AEBP1: variants seen among roughly 807,000 people sequenced by gnomAD.
AEBP1 encodes the protein adipocyte enhancer-binding protein 1.
A neutral mutation model predicts 116.5 loss-of-function variants in AEBP1; 69 were observed. The ratio of observed to expected loss-of-function variants is 0.59; its 90% CI spans 0.49 to 0.72. The LOEUF is 0.72. Among genes scored for constraint, AEBP1 ranks in the 30% least tolerant of loss-of-function variants. The pLI, the probability that AEBP1 is intolerant of heterozygous loss-of-function variation, is 0.00. For synonymous variants in AEBP1, 627 were observed against 627.3 expected (o/e 1.00, Z 0.01); for missense variants, 1,444 against 1,557.5 (o/e 0.93, Z 1.23).
Position 44,111,485 on chromosome 7 carries a change from A to T in AEBP1, c.1717-22A>T. On this transcript the variant is annotated intron_variant, in intron 14 of 20. Coordinates refer to ENST00000223357, the MANE Select transcript of AEBP1 (RefSeq NM_001129.5). The surrounding 1 kb of genome is among the most constrained non-coding windows in gnomAD (Gnocchi z 4.7). ...GGGGACGGATTGCATGATTGATTCC[A>T]CGTCCTCCCCCTCTGCCCCAGCTCA... is the stretch of plus-strand genomic sequence containing the variant. 3.8e-6 allele frequency: 6 copies of T among 1,559,694 alleles called. No homozygotes were observed. The highest frequency in any genetic ancestry group is 4.3e-6 in the Non-Finnish European group (5 of 1,153,092).
chr7:44,111,880 GGGATCCATGGCAACGA>G lies in AEBP1; in HGVS notation c.1870_1885del (p.Ile624CysfsTer40), dbSNP rs770595212. On this transcript the variant is annotated frameshift_variant, in exon 16 of 21. Coordinates refer to ENST00000223357, the MANE Select transcript of AEBP1 (RefSeq NM_001129.5). LOFTEE classifies it high-confidence loss of function. The surrounding 1 kb of genome is among the most constrained non-coding windows in gnomAD (Gnocchi z 4.7). ...GGAGCCCGAGTTCCGCTACACTGCT[GGGATCCATGGCAACGA>G]GGTGCTGGGCCGAGAGCTGTTGCTG... is the stretch of plus-strand genomic sequence containing the variant. The G allele has an allele frequency of 1.2e-6, 2 of 1,613,552 alleles. No individual in the cohort carries two copies. Among genetic ancestry groups the G allele is most frequent in the South Asian group, 2.2e-5 (2 of 91,058 alleles).
rs773051868 is a variant in AEBP1, at chr7:44,113,326, T to C, written c.2784T>C (p.Ser928=). Residue 928 remains serine (S), a synonymous_variant, in exon 20 of 21, where the codon AGT becomes AGC. Coordinates refer to ENST00000223357, the MANE Select transcript of AEBP1 (RefSeq NM_001129.5). The surrounding 1 kb of genome is among the most constrained non-coding windows in gnomAD (Gnocchi z 5.3). The part of the protein sequence containing the change: ...IPIANATISV[S]GINHGVKTAS... Reference sequence around the variant, plus strand: ...TTGCCAACGCCACCATCTCTGTGAGTGGCATTAATCACGGCGTGAAGACAG... The same window carrying C: ...TTGCCAACGCCACCATCTCTGTGAGCGGCATTAATCACGGCGTGAAGACAG... 6.2e-7 allele frequency: 1 copy of C among 1,612,976 alleles called. No homozygotes were observed. Among genetic ancestry groups the C allele is most frequent in the Admixed American group, 1.7e-5 (1 of 59,872 alleles).
rs769957543 is a variant in AEBP1 at position 44,108,937 on chromosome 7, G to A, written c.979G>A (p.Asp327Asn). The A allele has an allele frequency of 1.9e-6, 3 of 1,600,038 alleles. No homozygotes were observed. Among genetic ancestry groups the A allele is most frequent in the Middle Eastern group, 1.7e-4 (1 of 6,056 alleles). ...TGGGCCTCCTCCGCCCCAGAAGCCC[G>A]ATGCTGAGCGCCAGACAGACGAAGA... Reference protein sequence around the residue: ...YFGPPPPQKPDAERQTDEEKE... With the variant: ...YFGPPPPQKPNAERQTDEEKE... Residue 327 changes from aspartate (D) to asparagine (N), a missense_variant, in exon 7 of 21, where the codon GAT becomes AAT. Physicochemically the swap from Asp to Asn is conservative, Grantham distance 23. Coordinates refer to ENST00000223357, the MANE Select transcript of AEBP1 (RefSeq NM_001129.5). This position sits in a 1 kb window ranked among gnomAD's most constrained non-coding sequence, Gnocchi z 5.0.
rs768083027 is a variant in AEBP1 at position 44,113,227 on chromosome 7, C to T, written c.2710-25C>T. 3 of 1,613,098 alleles carry T rather than the reference C, an allele frequency of 1.9e-6. No individual in the cohort carries two copies. The highest frequency in any genetic ancestry group is 2.5e-6 in the Non-Finnish European group (3 of 1,179,402). On this transcript the variant is annotated intron_variant, in intron 19 of 20. Coordinates refer to ENST00000223357, the MANE Select transcript of AEBP1 (RefSeq NM_001129.5). The surrounding 1 kb of genome is among the most constrained non-coding windows in gnomAD (Gnocchi z 5.3). ...GACCACATTGGACCTTCCTGAGGAC[C>T]AGCAGCCCTCACCTGCTTCCCTAGG...
Position 44,112,299 on chromosome 7 carries a change from G to C in AEBP1, c.2195G>C (p.Arg732Pro), listed in dbSNP as rs1037829524. ...AACAATAACTTGCCCATCCCTGAAC[G>C]CTACCTTTCGCCAGATGCCACGGTG... Reference protein sequence around the residue: ...VPNNNLPIPERYLSPDATVST... With the variant: ...VPNNNLPIPEPYLSPDATVST... Residue 732 changes from arginine to proline, a missense_variant, in exon 17 of 21, where the codon CGC becomes CCC. Transcript: ENST00000223357. This position sits in a 1 kb window ranked among gnomAD's most constrained non-coding sequence, Gnocchi z 6.6. 1.3e-6 allele frequency: 2 copies of C among 1,561,236 alleles called. No homozygotes were observed. Among genetic ancestry groups the C allele is most frequent in the East Asian group, 2.3e-5 (1 of 44,174 alleles).
chr7:44,111,539 C>T lies in AEBP1; in HGVS notation c.1749C>T (p.Thr583=). Residue 583 remains threonine (T), a synonymous_variant, in exon 15 of 21, where the codon ACC becomes ACT. Transcript: ENST00000223357. The surrounding 1 kb of genome is among the most constrained non-coding windows in gnomAD (Gnocchi z 4.7). ...LMKVVNEECP[T]ITRTYSLGKS... ...AGGTGGTGAACGAGGAGTGCCCCAC[C>T]ATCACCCGCACTTACAGCCTGGGCA... 2 of 1,605,104 alleles carry T rather than the reference C, an allele frequency of 1.2e-6. No individual in the cohort carries two copies. The highest frequency in any genetic ancestry group is 8.5e-7 in the Non-Finnish European group (1 of 1,176,804).
rs1321699531 is a variant in AEBP1 at position 44,112,554 on chromosome 7, C to G, written c.2218-4C>G. On this transcript the variant is annotated splice_polypyrimidine_tract_variant and splice_region_variant and intron_variant, in intron 17 of 20. Transcript: ENST00000223357. This position sits in a 1 kb window ranked among gnomAD's most constrained non-coding sequence, Gnocchi z 6.6. Reference sequence around the variant, plus strand: ...CCTGGCCTCACACGTGCTGGCCACTCCAGGTATCCACGGAGGTCCGGGCCA... The same window carrying G: ...CCTGGCCTCACACGTGCTGGCCACTGCAGGTATCCACGGAGGTCCGGGCCA... 5.7e-6 allele frequency: 9 copies of G among 1,575,582 alleles called. No homozygotes were observed. The highest frequency in any genetic ancestry group is 7.8e-6 in the Non-Finnish European group (9 of 1,156,684).
intron 11 of AEBP1, 55 bp downstream of exon 11, chr7:44,110,401 G>C (rs1583552903): frequency 6.2e-7 from 1 of 1,610,494 alleles, no homozygotes; most frequent in East Asian, 2.2e-5. Flanking sequence ...CATAGGCATG[G>C]CTCTGTGTCC....
In AEBP1 at chr7:44,107,454, A is replaced by G; in HGVS notation, c.611A>G (p.Asn204Ser). The change falls in exon 3 of 21, where the codon AAT (asparagine) becomes AGT (serine). Residue 204 changes from asparagine (N) to serine (S), a missense_variant. By Grantham distance (46) the Asn-to-Ser change is conservative (BLOSUM62 1). Coordinates refer to ENST00000223357, the MANE Select transcript of AEBP1 (RefSeq NM_001129.5). This position sits in a 1 kb window ranked among gnomAD's most constrained non-coding sequence, Gnocchi z 4.3. Reference sequence around the variant, plus strand: ...TGTGTTGCAGGGGCGCCCCTCTCAAATAACTGGCAGAATCCAGGAGAGGAG... The same window carrying G: ...TGTGTTGCAGGGGCGCCCCTCTCAAGTAACTGGCAGAATCCAGGAGAGGAG... ...LPQEGGAPLSNNWQNPGEETH... is the reference protein window; with the variant it reads ...LPQEGGAPLSSNWQNPGEETH... 6.2e-7 allele frequency: 1 copy of G among 1,613,318 alleles called. No homozygotes were observed. Among genetic ancestry groups the G allele is most frequent in the Non-Finnish European group, 8.5e-7 (1 of 1,179,972 alleles).
intron 11 of AEBP1, 90 bp from the exon 12 acceptor site, chr7:44,110,635 A>T: frequency 1.6e-6 from 2 of 1,255,860 alleles, no homozygotes; most frequent in Non-Finnish European, 1.1e-6. Context: ...GCTAGCTCTT[A>T]AATTCTTGGG....
intron 1 of AEBP1, chr7:44,106,068 CT>C: frequency 2.5e-6 from 1 of 403,598 alleles, no homozygotes; most frequent in Non-Finnish European, 4.9e-6. Flanking sequence ...CCAAGTGTCC[CT>C]TTTCTTTGAA....
chr7:44,111,783 G>A lies in AEBP1; in HGVS notation c.1841-71G>A. ...CCCCCAGACCCTCGGGTATGAGGTGGGTCTGGGTCCTTCCTCAGCTGCCCT... is the reference window on the plus strand; with the variant it reads ...CCCCCAGACCCTCGGGTATGAGGTGAGTCTGGGTCCTTCCTCAGCTGCCCT... On this transcript the variant is annotated intron_variant, in intron 15 of 20. Transcript: ENST00000223357. The surrounding 1 kb of genome is among the most constrained non-coding windows in gnomAD (Gnocchi z 4.7). 6.5e-7 allele frequency: 1 copy of A among 1,548,864 alleles called. No homozygotes were observed. The highest frequency in any genetic ancestry group is 8.7e-7 in the Non-Finnish European group (1 of 1,143,348).
At chr7:44,109,389 G>A (rs756498519) in intron 9 of AEBP1, 48 bp downstream of exon 9, 8 of 1,443,788 alleles carry the variant, frequency 5.5e-6, no homozygotes, top group Non-Finnish European at 7.4e-6. Context: ...CAGGATGGGG[G>A]TGCTGGGACA....
In AEBP1 at chr7:44,109,615, G is replaced by T. The variant is rs1287066852; in HGVS notation, c.1150+274G>T. 1.2e-5 allele frequency: 7 copies of T among 585,280 alleles called. No individual in the cohort carries two copies. In the Admixed American group the frequency reaches 1.3e-4, roughly 11 times the overall value. The allele number at this position is 585,280 out of a possible 1,614,324, so 36.3% of individuals were successfully genotyped here. On this transcript the variant is annotated intron_variant, in intron 9 of 20. Coordinates refer to ENST00000223357, the MANE Select transcript of AEBP1 (RefSeq NM_001129.5). ...TAGGGGGAGGACCTGGGGCCTTGGT[G>T]GGGAGTGAGGACCTCAGGTACCTTC... is the stretch of plus-strand genomic sequence containing the variant.
rs1401000458 is a variant in AEBP1 at position 44,112,660 on chromosome 7, G to A, written c.2320G>A (p.Asp774Asn). ...CGAGCGGCTAGTATCCTACCCCTACGATATGGCCCGCACGCCTACCCAGGA... is the reference window on the plus strand; with the variant it reads ...CGAGCGGCTAGTATCCTACCCCTACAATATGGCCCGCACGCCTACCCAGGA... ...GGERLVSYPY[D>N]MARTPTQEQL... The change falls in exon 18 of 21, where the codon GAT (aspartate) becomes AAT (asparagine). Residue 774 changes from aspartate (D) to asparagine (N), a missense_variant. Physicochemically the swap from Asp to Asn is conservative, Grantham distance 23. Transcript: ENST00000223357. The surrounding 1 kb of genome is among the most constrained non-coding windows in gnomAD (Gnocchi z 6.6). 1.2e-6 allele frequency: 2 copies of A among 1,613,146 alleles called. No homozygotes were observed. Among genetic ancestry groups the A allele is most frequent in the East Asian group, 2.2e-5 (1 of 44,898 alleles).
Position 44,113,861 on chromosome 7 carries a change from G to T in AEBP1, c.3077G>T (p.Arg1026Leu). ...CTGCAGCAGCGACGCCTACAACACC[G>T]CCTGCGGCTTCGGGCACAGATGCGG... ...RRLQQRRLQHRLRLRAQMRLR... is the reference protein window; with the variant it reads ...RRLQQRRLQHLLRLRAQMRLR... The change falls in exon 21 of 21, where the codon CGC becomes CTC. Residue 1026 changes from arginine (R) to leucine (L), a missense_variant. Coordinates refer to ENST00000223357, the MANE Select transcript of AEBP1 (RefSeq NM_001129.5). The surrounding 1 kb of genome is among the most constrained non-coding windows in gnomAD (Gnocchi z 5.3). 1 of 1,613,680 alleles carries T rather than the reference G, an allele frequency of 6.2e-7. No individual in the cohort carries two copies. Among genetic ancestry groups the T allele is most frequent in the Non-Finnish European group, 8.5e-7 (1 of 1,179,988 alleles).
At position 44,107,634 on chromosome 7, in the gene AEBP1, G is replaced by A; in HGVS notation, c.673G>A (p.Glu225Lys). The stretch of plus-strand genomic sequence containing the variant: ...TACCAGCGCTTTCCCCTCAGAGCCG[G>A]AGGAGGAGACCGAGCAACCCACACT... ...VEAREHQPEP[E>K]EETEQPTLDY... Residue 225 changes from glutamate (E) to lysine (K), a missense_variant, in exon 4 of 21, where the codon GAG becomes AAG. By Grantham distance (56) the Glu-to-Lys change is moderately conservative (BLOSUM62 1). Coordinates refer to ENST00000223357, the MANE Select transcript of AEBP1 (RefSeq NM_001129.5). The surrounding 1 kb of genome is among the most constrained non-coding windows in gnomAD (Gnocchi z 4.3). 6.2e-7 allele frequency: 1 copy of A among 1,613,670 alleles called. No individual in the cohort carries two copies. The highest frequency in any genetic ancestry group is 8.5e-7 in the Non-Finnish European group (1 of 1,179,966).
Position 44,114,377 on chromosome 7 carries a change from C to A in AEBP1, c.*116C>A. On this transcript the variant is annotated 3_prime_UTR_variant, in exon 21 of 21. Coordinates refer to ENST00000223357, the MANE Select transcript of AEBP1 (RefSeq NM_001129.5). Reference sequence around the variant, plus strand: ...ACATGGAAGGCCCCTGGTATGGACACTGAAAGGAAGGGCTGGTCCTGCCCC... The same window carrying A: ...ACATGGAAGGCCCCTGGTATGGACAATGAAAGGAAGGGCTGGTCCTGCCCC... 1 of 1,191,004 alleles carries A rather than the reference C, an allele frequency of 8.4e-7. No homozygotes were observed. Among genetic ancestry groups the A allele is most frequent in the East Asian group, 2.4e-5 (1 of 41,440 alleles). 73.8% of individuals were successfully genotyped at this position (1,191,004 alleles called of 1,614,324 possible).
intron 7 of AEBP1, 34 bp downstream of exon 7, chr7:44,109,010 T>C: frequency 1.9e-6 from 3 of 1,607,050 alleles, no homozygotes; most frequent in Non-Finnish European, 2.5e-6. Flanking sequence ...ACACCAGGCC[T>C]GCCCTGAAGG....
Sources: allele counts gnomAD v4.1 joint callset, GRCh38; gene constraint gnomAD v4.1.1; non-coding constraint Gnocchi (gnomAD v3.1); transcripts MANE v1.5; gene names NCBI Gene and HGNC (gene_info 2026-07-23, HGNC 2026-07-21).